GAP43: variants seen among roughly 807,000 people sequenced by gnomAD.
The protein encoded by GAP43 is growth associated protein 43, also known as neuromodulin.
A neutral mutation model predicts 18.6 loss-of-function variants in GAP43; 6 were observed. The observed-to-expected ratio is 0.32, with a 90% CI of 0.18 to 0.64. The LOEUF (loss-of-function observed/expected upper bound fraction) is 0.64. Ranked by LOEUF, GAP43 falls within the 30% of genes least tolerant of loss-of-function variation. GAP43 has a pLI of 0.78. For synonymous variants in GAP43, 115 were observed against 111.4 expected, an observed-to-expected ratio of 1.03 and a Z score of -0.20; for missense variants, 292 against 295.5, an observed-to-expected ratio of 0.99 and a Z score of 0.09.
intron 1 of GAP43, among the ~76,000 whole-genome samples, chr3:115,650,172 A>C (rs1335635580): frequency 6.6e-6 from 1 of 152,146 alleles, no homozygotes; most frequent in African/African-American, 2.4e-5. Context: ...TTAGGAACCT[A>C]GCAGGAAGCT....
intron 2 of GAP43, among the ~76,000 whole-genome samples, chr3:115,685,035 C>G (rs1709015816): frequency 6.6e-6 from 1 of 152,216 alleles, no homozygotes; most frequent in African/African-American, 2.4e-5. Flanking sequence ...TGTTGCTTTT[C>G]CTGCATCTGT....
At chr3:115,660,660 G>A (rs1431723102) in intron 1 of GAP43, among the ~76,000 whole-genome samples, 4 of 152,190 alleles carry the variant, frequency 2.6e-5, no homozygotes, top group African/African-American at 7.2e-5. Context: ...TTCTCAGAAC[G>A]GGTGTGTTTA....
chr3:115,646,657 A>G (rs1395999947), intron 1 of GAP43, among the ~76,000 whole-genome samples: 1 of 152,050 alleles, frequency 6.6e-6, no homozygotes, highest in African/African-American at 2.4e-5. Flanking sequence ...GGATATCTTG[A>G]ATTAAATATA....
chr3:115,645,194 T>C (rs1559790872), intron 1 of GAP43, among the ~76,000 whole-genome samples: 2 of 152,068 alleles, frequency 1.3e-5, no homozygotes, highest in Non-Finnish European at 2.9e-5. Context: ...ATAGGGTAAA[T>C]ATATGAATCA....
chr3:115,649,809 C>CT (rs1451494174), intron 1 of GAP43, among the ~76,000 whole-genome samples: 2 of 44,714 alleles, frequency 4.5e-5, no homozygotes, highest in African/African-American at 1.4e-4. Context: ...GACCCTGTCT[C>CT]TAAAAAAAAA....
intron 1 of GAP43, among the ~76,000 whole-genome samples, chr3:115,635,702 T>C (rs756583962): frequency 3.3e-5 from 5 of 151,228 alleles, no homozygotes; most frequent in Non-Finnish European, 5.9e-5. Flanking sequence ...AGAAGTACTC[T>C]GCAGGACTAG....
chr3:115,623,529 C>G lies in GAP43; in HGVS notation c.-161C>G. The G allele has an allele frequency of 1.3e-6, 1 of 762,744 alleles. No individual in the cohort carries two copies. The highest frequency in any genetic ancestry group is 2.2e-6 in the Non-Finnish European group (1 of 451,164). 47.2% of individuals were successfully genotyped at this position (762,744 alleles called of 1,614,324 possible). ...GACCTTACAGTTGCTGCTAACTGCC[C>G]TGGTGTGTGTGAGGGAGAGAGAGGG... On this transcript the variant is annotated 5_prime_UTR_variant, in exon 1 of 3. Coordinates refer to ENST00000305124, the MANE Select transcript of GAP43 (RefSeq NM_002045.4).
At chr3:115,686,695 A>T (rs1709037599) in intron 2 of GAP43, among the ~76,000 whole-genome samples, 1 of 152,244 alleles carries the variant, frequency 6.6e-6, no homozygotes, top group African/African-American at 2.4e-5. Context: ...TGATTAACTT[A>T]GTTTGAAAAT....
intron 1 of GAP43, among the ~76,000 whole-genome samples, chr3:115,671,308 G>A (rs1708812555): frequency 6.6e-6 from 1 of 152,128 alleles, no homozygotes; most frequent in South Asian, 2.1e-4. Flanking sequence ...TCTTATTTCT[G>A]GCTTTCTTAT....
rs556865988 is a variant in GAP43, at chr3:115,653,851, A to G, written c.31-22162A>G. 2.0e-5 allele frequency among the ~76,000 whole-genome samples: 3 copies of G among 152,328 alleles called. No homozygotes were observed. In the East Asian group the frequency reaches 5.8e-4, roughly 29 times the overall value. ...CACTTTGCCTTGTTCATATTTAATG[A>G]ATTTTCCTATGAAAGATAGATTCAT... On this transcript the variant is annotated intron_variant, in intron 1 of 2. Transcript: ENST00000305124.
intron 2 of GAP43, among the ~76,000 whole-genome samples, chr3:115,687,115 C>CT (rs34355376): frequency 0.81 from 113,698 of 140,134 alleles, 45,120 homozygotes; most frequent in Non-Finnish European, 0.88. Flanking sequence ...AATCCCCCCT[C>CT]TTTTTTTTTT....
At chr3:115,659,781 A>C (rs1708634123) in intron 1 of GAP43, among the ~76,000 whole-genome samples, 1 of 152,158 alleles carries the variant, frequency 6.6e-6, no homozygotes, top group Non-Finnish European at 1.5e-5. Flanking sequence ...TAGGAAGCTC[A>C]TGAGGGTTAG....
chr3:115,629,213 AG>A (rs1708230367), intron 1 of GAP43, among the ~76,000 whole-genome samples: 1 of 152,200 alleles, frequency 6.6e-6, no homozygotes, highest in Non-Finnish European at 1.5e-5. Flanking sequence ...TCTGGACAAA[AG>A]CAGTAACTTT....
At chr3:115,665,188 T>C (rs11717318) in intron 1 of GAP43, among the ~76,000 whole-genome samples, 26,652 of 152,048 alleles carry the variant, frequency 0.18, 2,454 homozygotes, top group Admixed American at 0.27. Context: ...GAAAAATCAC[T>C]CAGCTCTCTC....
chr3:115,635,102 C>A (rs764199585), intron 1 of GAP43, among the ~76,000 whole-genome samples: 31 of 151,980 alleles, frequency 2.0e-4, no homozygotes, highest in Non-Finnish European at 3.8e-4. Flanking sequence ...TCTATTCAAA[C>A]GTCATTTTTT....
intron 1 of GAP43, among the ~76,000 whole-genome samples, chr3:115,669,975 TTTTTTTTTAA>T (rs1708794115): frequency 7.1e-6 from 1 of 141,346 alleles, no homozygotes. Context: ...ATTTTTATTT[TTTTTTTTTAA>T]TTTTTTTTTT....
intron 1 of GAP43, among the ~76,000 whole-genome samples, chr3:115,642,820 TA>T (rs1461333985): frequency 6.6e-6 from 1 of 152,098 alleles, no homozygotes; most frequent in African/African-American, 2.4e-5. Context: ...TTATCTACAT[TA>T]AGTGAGTCAT....
chr3:115,711,191 C>T (rs1709432829), intron 2 of GAP43, among the ~76,000 whole-genome samples: 1 of 152,156 alleles, frequency 6.6e-6, no homozygotes, highest in Non-Finnish European at 1.5e-5. Flanking sequence ...TACCATATAT[C>T]AAAGTTCTTA....
At chr3:115,665,038 G>T (rs1708716089) in intron 1 of GAP43, among the ~76,000 whole-genome samples, 1 of 152,012 alleles carries the variant, frequency 6.6e-6, no homozygotes, top group South Asian at 2.1e-4. Context: ...CTCACCTGGT[G>T]ATTAATGTAG....
Sources: allele counts gnomAD v4.1 joint callset (sites outside exome capture counted in the v4.1 genomes callset), GRCh38; gene constraint gnomAD v4.1.1; transcripts MANE v1.5; gene names NCBI Gene and HGNC (gene_info 2026-07-23, HGNC 2026-07-21).